The following PTGES3 variants were observed in gnomAD, a reference collection of about 807,000 sequenced individuals.
PTGES3 encodes Hsp90 co-chaperone.
PTGES3 carries 5 observed loss-of-function variants against 29.9 expected under a neutral mutation model. That is an observed-to-expected ratio of 0.17 (90% CI 0.09 to 0.35). The LOEUF (loss-of-function observed/expected upper bound fraction) is 0.35, where lower values mean the gene tolerates loss of function less well. Ranked by LOEUF, PTGES3 falls within the 10% of genes least tolerant of loss-of-function variation. The probability of loss-of-function intolerance (pLI) is 1.00; values close to 1 mark genes in which losing one functional copy is unlikely to be tolerated. For synonymous variants in PTGES3, 49 were observed against 57.8 expected (o/e 0.85, Z 0.69); for missense variants, 128 against 190.0 (o/e 0.67, Z 1.92).
intron 1 of PTGES3, chr12:56,687,497 C>T: frequency 2.0e-6 from 2 of 996,154 alleles, no homozygotes; most frequent in Non-Finnish European, 2.4e-6. Flanking sequence ...CTAGCAGTAC[C>T]TGCAGCTCAC....
At chr12:56,684,099 T>G (rs1033672192) in intron 1 of PTGES3, among the ~76,000 whole-genome samples, 1 of 152,040 alleles carries the variant, frequency 6.6e-6, no homozygotes, top group Non-Finnish European at 1.5e-5. Flanking sequence ...CTCACGTAAA[T>G]ATGATCTTAG....
At chr12:56,672,661 T>C in intron 3 of PTGES3, 79 bp downstream of exon 3, 1 of 1,430,190 alleles carries the variant, frequency 7.0e-7, no homozygotes, top group Non-Finnish European at 9.3e-7. Flanking sequence ...ACAGAACTAA[T>C]GCTCATTGCT....
intron 4 of PTGES3, 106 bp downstream of exon 4, chr12:56,671,643 A>G: frequency 1.7e-6 from 1 of 591,784 alleles, no homozygotes. Context: ...CTTTATACTT[A>G]GCTGTGAAAC....
chr12:56,672,111 T>C (rs1352362186), intron 3 of PTGES3, among the ~76,000 whole-genome samples: 3 of 152,114 alleles, frequency 2.0e-5, no homozygotes, highest in South Asian at 2.1e-4. Flanking sequence ...CCTGGTACCA[T>C]TTTTTTCTTT....
At chr12:56,671,493 T>C (rs978222773) in intron 4 of PTGES3, among the ~76,000 whole-genome samples, 3 of 152,222 alleles carry the variant, frequency 2.0e-5, no homozygotes, top group Non-Finnish European at 2.9e-5. Flanking sequence ...TTCACCAAGC[T>C]TTGTCCCCTC....
intron 3 of PTGES3, among the ~76,000 whole-genome samples, chr12:56,672,171 A>C (rs550411134): frequency 6.6e-6 from 1 of 152,302 alleles, no homozygotes; most frequent in African/African-American, 2.4e-5. Flanking sequence ...ACTAAAAATG[A>C]TATAACCACA....
chr12:56,666,540 A>G (rs2137582406), intron 5 of PTGES3, among the ~76,000 whole-genome samples: 1 of 152,350 alleles, frequency 6.6e-6, no homozygotes, highest in Non-Finnish European at 1.5e-5. Context: ...CTACTTGAGT[A>G]GTGGTTACCT....
intron 1 of PTGES3, among the ~76,000 whole-genome samples, chr12:56,674,971 T>G (rs1028365801): frequency 1.0e-4 from 11 of 110,374 alleles, no homozygotes; most frequent in African/African-American, 3.9e-4. Context: ...GCCATTGCAC[T>G]CCAGCCTGGG....
chr12:56,683,752 G>T (rs544456659), intron 1 of PTGES3, among the ~76,000 whole-genome samples: 1 of 151,670 alleles, frequency 6.6e-6, no homozygotes, highest in Middle Eastern at 3.2e-3. Flanking sequence ...GAGATCAGGA[G>T]ATCGAGACCA....
chr12:56,685,104 C>CAA lies in PTGES3; in HGVS notation c.2+2892_2+2893dup, dbSNP rs58687422. The stretch of plus-strand genomic sequence containing the variant: ...GGGTGACAGAGGAAGACCCTGTCTC[C>CAA]AAAAAAAACACTTTTAAAACAAGTT... On this transcript the variant is annotated intron_variant, in intron 1 of 7. Coordinates refer to ENST00000262033, the MANE Select transcript of PTGES3 (RefSeq NM_006601.7). Among the ~76,000 whole-genome samples the CAA allele has an allele frequency of 5.5e-4, 83 of 151,290 alleles. 1 individual carries two copies. Among genetic ancestry groups the CAA allele is most frequent in the South Asian group, 1.7e-3 (8 of 4,802 alleles).
In PTGES3 at chr12:56,687,262, A is replaced by G. The variant is rs947502277; in HGVS notation, c.2+736T>C. The G allele has an allele frequency of 6.0e-6, 6 of 1,004,636 alleles. No homozygotes were observed. In the Admixed American group the frequency reaches 2.4e-4, roughly 40 times the overall value. 62.2% of individuals were successfully genotyped at this position (1,004,636 alleles called of 1,614,324 possible). ...AGTGAAACCTCACCTCAAGTAGAAC[A>G]TGAAACACAGAAAATGTCCGTATCT... On this transcript the variant is annotated intron_variant, in intron 1 of 7. Transcript: ENST00000262033.
intron 1 of PTGES3, 144 bp from the exon 2 acceptor site, chr12:56,673,209 C>T (rs1392311645): frequency 3.6e-6 from 2 of 551,276 alleles, no homozygotes; most frequent in East Asian, 6.2e-5. Flanking sequence ...CTAACAGCTA[C>T]ATTCCAAGTT....
intron 1 of PTGES3, among the ~76,000 whole-genome samples, chr12:56,673,903 G>C (rs1017847641): frequency 7.2e-5 from 11 of 151,994 alleles, no homozygotes; most frequent in African/African-American, 2.7e-4. Context: ...GGGAGGTGGA[G>C]GCTGCGGTGA....
chr12:56,676,224 TC>T lies in PTGES3; in HGVS notation c.3-3160del, dbSNP rs1313804359. 1.1e-3 allele frequency among the ~76,000 whole-genome samples: 24 copies of T among 21,514 alleles called. 1 individual carries two copies. The highest frequency in any genetic ancestry group is 2.0e-3 in the East Asian group (2 of 976). 14.1% of individuals were successfully genotyped at this position (21,514 alleles called of 152,430 possible). ...CTGGGCAACAGAGAGAGGCTGTGTC[TC>T]CCCCCCCAAAAAAAAAAAAAAAGCC... On this transcript the variant is annotated intron_variant, in intron 1 of 7. Transcript: ENST00000262033.
At chr12:56,666,418 G>C (rs1951788683) in intron 5 of PTGES3, 152 bp from the exon 6 acceptor site, 1 of 1,019,604 alleles carries the variant, frequency 9.8e-7, no homozygotes, top group African/African-American at 1.7e-5. Flanking sequence ...GGAAAAGGAA[G>C]ATTATAGGTA....
chr12:56,685,723 A>T lies in PTGES3; in HGVS notation c.2+2275T>A, dbSNP rs180734313. 3.7e-3 allele frequency among the ~76,000 whole-genome samples: 525 copies of T among 143,608 alleles called. 5 individuals are homozygous for T. The highest frequency in any genetic ancestry group is 0.012 in the African/African-American group (460 of 38,642). The allele number at this position is 143,608 out of a possible 152,430, so 94.2% of individuals were successfully genotyped here. On this transcript the variant is annotated intron_variant, in intron 1 of 7. Transcript: ENST00000262033. ...CATGAAAGTAGCATTTTTATTTTTTAACTAGAGAGGCTACTTTTTGGAATA... is the reference window on the plus strand; with the variant it reads ...CATGAAAGTAGCATTTTTATTTTTTTACTAGAGAGGCTACTTTTTGGAATA...
In PTGES3 at chr12:56,678,554, C is replaced by T. The variant is rs181198329; in HGVS notation, c.3-5489G>A. On this transcript the variant is annotated intron_variant, in intron 1 of 7. Coordinates refer to ENST00000262033, the MANE Select transcript of PTGES3 (RefSeq NM_006601.7). ...GGATTAAAATAACTGGGACACTTTT[C>T]CTAGCAAACTGTTTCCATCTAGCTT... Among the ~76,000 whole-genome samples the T allele has an allele frequency of 5.1e-4, 77 of 152,258 alleles. No homozygotes were observed. The East Asian group carries it at 0.014, about 27-fold the overall frequency.
chr12:56,663,798 CAAG>C lies in PTGES3; in HGVS notation c.*678_*680del, dbSNP rs1951694259. On this transcript the variant is annotated 3_prime_UTR_variant, in exon 8 of 8. Transcript: ENST00000262033. ...AATCTGGACTAAATGTACAGACTCT[CAAG>C]CAACAATGTACAGCTTTCTTCGTCC... The C allele has an allele frequency of 6.6e-6, 1 of 152,608 alleles. No homozygotes were observed. Among genetic ancestry groups the C allele is most frequent in the Admixed American group, 6.6e-5 (1 of 15,264 alleles). 9.5% of individuals were successfully genotyped at this position (152,608 alleles called of 1,614,324 possible).
chr12:56,672,838 G>C, intron 2 of PTGES3, 29 bp from the exon 3 acceptor site: 5 of 1,555,510 alleles, frequency 3.2e-6, no homozygotes, highest in Non-Finnish European at 4.3e-6. Flanking sequence ...AAAGAATTAA[G>C]CCTCTTCAAA....
Sources: allele counts gnomAD v4.1 joint callset (sites outside exome capture counted in the v4.1 genomes callset), GRCh38; gene constraint gnomAD v4.1.1; transcripts MANE v1.5; gene names NCBI Gene and HGNC (gene_info 2026-07-23, HGNC 2026-07-21).